Variants in KLRF2 observed in about 807,000 individuals in gnomAD.
KLRF2 encodes killer cell lectin-like receptor subfamily F member 2.
KLRF2 carries 28 observed loss-of-function variants against 25.3 expected under a neutral mutation model. That is an observed-to-expected ratio of 1.11 (90% CI 0.82 to 1.52). KLRF2 has a LOEUF of 1.52. KLRF2 is among the 40% of genes most tolerant of loss of function. The pLI, the probability that KLRF2 is intolerant of heterozygous loss-of-function variation, is 0.00. For synonymous variants in KLRF2, 73 were observed against 85.0 expected, an observed-to-expected ratio of 0.86 and a Z score of 0.78; for missense variants, 265 against 245.8, an observed-to-expected ratio of 1.08 and a Z score of -0.52.
chr12:9,892,917 T>A (rs1862697758), intron 3 of KLRF2, 103 bp from the exon 4 acceptor site: 5 of 899,456 alleles, frequency 5.6e-6, no homozygotes, highest in South Asian at 4.2e-5. Flanking sequence ...AAAAAAAAAA[T>A]GAGTTGGAAA....
chr12:9,888,819 G>A (rs192223043), intron 3 of KLRF2, 39 bp downstream of exon 3: 14 of 1,301,154 alleles, frequency 1.1e-5, no homozygotes, highest in South Asian at 9.1e-5. Context: ...ACTCTTAGGG[G>A]TAAATTTAGT....
intron 2 of KLRF2, 96 bp from the exon 3 acceptor site, chr12:9,888,637 T>C (rs1862635070): frequency 4.6e-6 from 3 of 657,928 alleles, no homozygotes; most frequent in Non-Finnish European, 7.9e-6. Context: ...TTTTTATTAG[T>C]ATGCCTTCAT....
chr12:9,894,857 T>C (rs889208771), intron 5 of KLRF2, among the ~76,000 whole-genome samples: 4 of 152,012 alleles, frequency 2.6e-5, no homozygotes, highest in African/African-American at 9.7e-5. Flanking sequence ...TTTATTATAA[T>C]TAATATTATT....
chr12:9,892,916 A>AAAT, intron 3 of KLRF2, 104 bp from the exon 4 acceptor site: 1 of 1,064,354 alleles, frequency 9.4e-7, no homozygotes, highest in Non-Finnish European at 1.3e-6. Context: ...AAAAAAAAAA[A>AAAT]TGAGTTGGAA....
chr12:9,893,266 T>A, intron 4 of KLRF2, 98 bp downstream of exon 4: 1 of 1,147,890 alleles, frequency 8.7e-7, no homozygotes, highest in Non-Finnish European at 1.2e-6. Flanking sequence ...TCGTTGCTTC[T>A]GAACATGTGT....
chr12:9,883,293 A>G (rs923717443), intron 1 of KLRF2, among the ~76,000 whole-genome samples: 4 of 152,208 alleles, frequency 2.6e-5, no homozygotes, highest in Non-Finnish European at 4.4e-5. Flanking sequence ...AAATAATACA[A>G]TTAGTGTTCT....
At chr12:9,893,569 G>A in intron 5 of KLRF2, 28 bp downstream of exon 5, 2 of 858,838 alleles carry the variant, frequency 2.3e-6, no homozygotes, top group Non-Finnish European at 3.6e-6. Context: ...AGGGAGGGGT[G>A]CTAATGTTTA....
intron 3 of KLRF2, among the ~76,000 whole-genome samples, chr12:9,891,901 A>G (rs1449948196): frequency 2.6e-5 from 4 of 152,228 alleles, no homozygotes; most frequent in Admixed American, 6.5e-5. Context: ...AGACTAAAAT[A>G]TTAATGAAAA....
In KLRF2 at chr12:9,881,511, C is replaced by A; in HGVS notation, c.-85C>A. The A allele has an allele frequency of 1.0e-6, 1 of 1,001,826 alleles. No individual in the cohort carries two copies. The highest frequency in any genetic ancestry group is 1.5e-6 in the Non-Finnish European group (1 of 676,954). 62.1% of individuals were successfully genotyped at this position (1,001,826 alleles called of 1,614,324 possible). A position where few individuals can be genotyped will look rare whatever the true frequency, so the allele number is the denominator to read the frequency against. Reference sequence around the variant, plus strand: ...TTTAGTTTTCTTTTAGTACCTTGTGCCAAAGAGACATATCCAAGGTTGAGA... The same window carrying A: ...TTTAGTTTTCTTTTAGTACCTTGTGACAAAGAGACATATCCAAGGTTGAGA... On this transcript the variant is annotated 5_prime_UTR_variant, in exon 1 of 6. Transcript: ENST00000535540.
intron 3 of KLRF2, among the ~76,000 whole-genome samples, chr12:9,889,049 A>C (rs1238645273): frequency 6.6e-6 from 1 of 152,172 alleles, no homozygotes; most frequent in Non-Finnish European, 1.5e-5. Flanking sequence ...GCCATACCTA[A>C]CTTGCCAAAT....
chr12:9,883,577 A>G (rs1359086499), intron 1 of KLRF2, among the ~76,000 whole-genome samples: 1 of 152,238 alleles, frequency 6.6e-6, no homozygotes, highest in African/African-American at 2.4e-5. Flanking sequence ...TGTTAACTAC[A>G]GATCCATATA....
At chr12:9,888,323 T>C (rs924075180) in intron 2 of KLRF2, among the ~76,000 whole-genome samples, 1 of 151,346 alleles carries the variant, frequency 6.6e-6, no homozygotes, top group African/African-American at 2.4e-5. Context: ...ACCCCATCTC[T>C]ACTAAAAATA....
Position 9,893,516 on chromosome 12 carries a change from G to C in KLRF2, c.454G>C (p.Asp152His). The C allele has an allele frequency of 1.3e-6, 2 of 1,498,992 alleles. No homozygotes were observed. Among genetic ancestry groups the C allele is most frequent in the Non-Finnish European group, 1.8e-6 (2 of 1,117,194 alleles). The allele number at this position is 1,498,992 out of a possible 1,614,324, so 92.9% of individuals were successfully genotyped here. A position where few individuals can be genotyped will look rare whatever the true frequency, so the allele number is the denominator to read the frequency against. ...TFQGNLWMWI[D>H]EHFLVPELFS... Reference sequence around the variant, plus strand: ...CCAAGGGAACCTATGGATGTGGATAGATGAACACTTTTTAGTTCCAGAATT... The same window carrying C: ...CCAAGGGAACCTATGGATGTGGATACATGAACACTTTTTAGTTCCAGAATT... The change falls in exon 5 of 6, where the codon GAT (aspartate) becomes CAT (histidine). Residue 152 changes from aspartate (D) to histidine (H), a missense_variant. By Grantham distance (81) the Asp-to-His change is moderately conservative (BLOSUM62 -1). Transcript: ENST00000535540.
intron 1 of KLRF2, among the ~76,000 whole-genome samples, chr12:9,882,945 T>A (rs1051595801): frequency 6.6e-6 from 1 of 152,232 alleles, no homozygotes; most frequent in Non-Finnish European, 1.5e-5. Flanking sequence ...TACTATTTTT[T>A]AATCTATAAA....
At chr12:9,882,795 A>T (rs1947156) in intron 1 of KLRF2, among the ~76,000 whole-genome samples, 91,173 of 151,454 alleles carry the variant, frequency 0.6, 28,799 homozygotes, top group Non-Finnish European at 0.7. Context: ...AAAACAAAAA[A>T]AATTATTCAG....
intron 2 of KLRF2, among the ~76,000 whole-genome samples, 186 bp from the exon 3 acceptor site, chr12:9,888,547 G>C (rs1048213946): frequency 6.6e-6 from 1 of 151,822 alleles, no homozygotes; most frequent in African/African-American, 2.4e-5. Context: ...GCACTTAAAG[G>C]AGTAAAAACA....
intron 2 of KLRF2, among the ~76,000 whole-genome samples, chr12:9,887,881 G>A (rs1257959905): frequency 1.3e-5 from 2 of 151,064 alleles, no homozygotes; most frequent in Non-Finnish European, 3.0e-5. Flanking sequence ...GTGAAACCCC[G>A]TCCCTAATAA....
At chr12:9,888,843 T>G in intron 3 of KLRF2, 63 bp downstream of exon 3, 1 of 962,558 alleles carries the variant, frequency 1.0e-6, no homozygotes, top group Non-Finnish European at 1.6e-6. Flanking sequence ...GGCTTCCCTC[T>G]TCCTGGCGTT....
chr12:9,895,427 C>A (rs1862745696), intron 5 of KLRF2, among the ~76,000 whole-genome samples: 1 of 152,124 alleles, frequency 6.6e-6, no homozygotes, highest in Non-Finnish European at 1.5e-5. Context: ...ATACTCAGGT[C>A]TTGCAGGCGT....
Sources: allele counts gnomAD v4.1 joint callset (sites outside exome capture counted in the v4.1 genomes callset), GRCh38; gene constraint gnomAD v4.1.1; transcripts MANE v1.5; gene names NCBI Gene and HGNC (gene_info 2026-07-23, HGNC 2026-07-21).